Variants in SCAPER observed in about 807,000 individuals in gnomAD.
SCAPER encodes S phase cyclin A-associated protein in the endoplasmic reticulum.
SCAPER carries 98 observed loss-of-function variants against 182.2 expected under a neutral mutation model. The ratio of observed to expected loss-of-function variants is 0.54; its 90% CI spans 0.46 to 0.64. The LOEUF (loss-of-function observed/expected upper bound fraction) is 0.64. Among genes scored for constraint, SCAPER ranks in the 30% least tolerant of loss-of-function variants. SCAPER has a pLI of 0.00. For synonymous variants in SCAPER, 605 were observed against 564.6 expected, an observed-to-expected ratio of 1.07 and a Z score of -1.01; for missense variants, 1,432 against 1,690.0, an observed-to-expected ratio of 0.85 and a Z score of 2.68.
In SCAPER at chr15:76,768,711, C is replaced by T. The variant is rs546500663; in HGVS notation, c.1249-1623G>A. On this transcript the variant is annotated intron_variant, in intron 10 of 31. Coordinates refer to ENST00000563290, the MANE Select transcript of SCAPER (RefSeq NM_020843.4). The stretch of plus-strand genomic sequence containing the variant: ...TAGAAAAGAAATAGATCCACAGTTA[C>T]AGTCAGTGATTTCAGTACCCCTCTT... Among the ~76,000 whole-genome samples the T allele has an allele frequency of 6.6e-5, 10 of 152,070 alleles. No individual in the cohort carries two copies. In the South Asian group the frequency reaches 8.3e-4, roughly 13 times the overall value.
At chr15:76,371,319 C>CTT (rs558300032) in intron 29 of SCAPER, among the ~76,000 whole-genome samples, 8 of 137,490 alleles carry the variant, frequency 5.8e-5, no homozygotes, top group East Asian at 2.0e-4. Flanking sequence ...CTCTCTCTCT[C>CTT]TTTTTTTTTT....
chr15:76,905,303 G>A lies in SCAPER; in HGVS notation c.-64C>T, dbSNP rs192643573. ...ACGCCCCTCGCGGACACTCACCCCC[G>A]ACCGCCCTGCTTAGTTCGGGGCGGC... On this transcript the variant is annotated 5_prime_UTR_variant, in exon 1 of 32. Transcript: ENST00000563290. 1.1e-5 allele frequency: 3 copies of A among 271,376 alleles called. No homozygotes were observed. The highest frequency in any genetic ancestry group is 2.8e-5 in the South Asian group (1 of 35,280). The allele number at this position is 271,376 out of a possible 1,614,324, so 16.8% of individuals were successfully genotyped here. A position where few individuals can be genotyped will look rare whatever the true frequency, so the allele number is the denominator to read the frequency against.
chr15:76,804,306 C>A (rs1384114217), intron 6 of SCAPER, among the ~76,000 whole-genome samples: 1 of 152,204 alleles, frequency 6.6e-6, no homozygotes, highest in Non-Finnish European at 1.5e-5. Flanking sequence ...AAATGTGTCA[C>A]ATTCAAAAAT....
intron 17 of SCAPER, among the ~76,000 whole-genome samples, chr15:76,725,748 G>C (rs2060548227): frequency 6.6e-6 from 1 of 151,914 alleles, no homozygotes; most frequent in Admixed American, 6.6e-5. Context: ...ATAGAGAAAG[G>C]ACAGTCTTTT....
chr15:76,655,846 C>G (rs117382850), intron 21 of SCAPER, among the ~76,000 whole-genome samples: 1 of 151,982 alleles, frequency 6.6e-6, no homozygotes, highest in East Asian at 1.9e-4. Flanking sequence ...CCTTTTCAGA[C>G]AAGCAAATGC....
At chr15:76,433,059 T>C (rs1402789707) in intron 26 of SCAPER, among the ~76,000 whole-genome samples, 2 of 152,226 alleles carry the variant, frequency 1.3e-5, no homozygotes, top group East Asian at 3.8e-4. Flanking sequence ...ACTCTATAAA[T>C]GGTAGCTATT....
chr15:76,450,546 A>C (rs2048304980), intron 25 of SCAPER, among the ~76,000 whole-genome samples: 1 of 152,164 alleles, frequency 6.6e-6, no homozygotes, highest in Admixed American at 6.5e-5. Flanking sequence ...CATTTGTAAA[A>C]GCATATATAT....
rs371119046 is a variant in SCAPER at position 76,376,154 on chromosome 15, C to T, written c.3855+8G>A. 4.3e-6 allele frequency: 7 copies of T among 1,613,708 alleles called. No homozygotes were observed. The Admixed American group carries it at 6.7e-5, about 15-fold the overall frequency. Reference sequence around the variant, plus strand: ...GAGCAGTCTAAGGAACTTTCCAGGGCCTCTTACCTGGTTATCTGGGTGGTT... The same window carrying T: ...GAGCAGTCTAAGGAACTTTCCAGGGTCTCTTACCTGGTTATCTGGGTGGTT... On this transcript the variant is annotated splice_region_variant and intron_variant, in intron 29 of 31. Transcript: ENST00000563290.
chr15:76,617,703 A>G (rs77154970), intron 22 of SCAPER, among the ~76,000 whole-genome samples: 1,879 of 152,288 alleles, frequency 0.012, 116 homozygotes, highest in Admixed American at 0.1. Flanking sequence ...AACAGAAACC[A>G]TAGACCCGTG....
intron 27 of SCAPER, among the ~76,000 whole-genome samples, chr15:76,386,107 G>C (rs1325748863): frequency 6.6e-6 from 1 of 152,116 alleles, no homozygotes; most frequent in African/African-American, 2.4e-5. Context: ...GCCAGCAACA[G>C]AGCATCTTCA....
intron 9 of SCAPER, among the ~76,000 whole-genome samples, chr15:76,774,178 T>C (rs2063616864): frequency 6.6e-6 from 1 of 151,866 alleles, no homozygotes; most frequent in South Asian, 2.1e-4. Context: ...TGATACCATA[T>C]GCCTCTAGAT....
chr15:76,475,576 G>A (rs925073463), intron 24 of SCAPER, among the ~76,000 whole-genome samples: 2 of 152,192 alleles, frequency 1.3e-5, no homozygotes, highest in South Asian at 4.1e-4. Flanking sequence ...GCCTCCCAAA[G>A]TGCTGGGATT....
chr15:76,858,903 T>C (rs1402726553), intron 3 of SCAPER, among the ~76,000 whole-genome samples: 1 of 152,244 alleles, frequency 6.6e-6, no homozygotes, highest in Non-Finnish European at 1.5e-5. Context: ...TTCCATGTTT[T>C]TGCTGTTGAA....
In SCAPER at chr15:76,795,386, C is replaced by T; in HGVS notation, c.666G>A (p.Trp222Ter). The change falls in exon 8 of 32, where the codon TGG (tryptophan) becomes TGA (stop). Residue 222 changes from tryptophan (W) to a stop codon, truncating the protein, a stop_gained. Coordinates refer to ENST00000563290, the MANE Select transcript of SCAPER (RefSeq NM_020843.4). LOFTEE classifies it high-confidence loss of function. Reference sequence around the variant, plus strand: ...TATGATGAGCCTTTACCTTGTCAGCCCAACTGACACCTGTGGGAGCCAGAC... The same window carrying T: ...TATGATGAGCCTTTACCTTGTCAGCTCAACTGACACCTGTGGGAGCCAGAC... ...APRLAPTGVS[W>*]ADKVKAHHTG... 2 of 1,609,448 alleles carry T rather than the reference C, an allele frequency of 1.2e-6. No homozygotes were observed. The highest frequency in any genetic ancestry group is 1.3e-5 in the African/African-American group (1 of 74,848).
chr15:76,366,086 TACACACACACACACACACACACAC>T (rs59741618), intron 29 of SCAPER, among the ~76,000 whole-genome samples: 1 of 149,432 alleles, frequency 6.7e-6, no homozygotes, highest in Non-Finnish European at 1.5e-5. Flanking sequence ...CTTACACACT[TACACACACACACACACACACACAC>T]ACACACACAC....
At chr15:76,667,625 CAAAAAAAAAAAAAAAAAAAAAAAA>C (rs775463270) in intron 20 of SCAPER, among the ~76,000 whole-genome samples, 1 of 27,454 alleles carries the variant, frequency 3.6e-5, no homozygotes, top group African/African-American at 1.3e-4. Flanking sequence ...GACTCAGTCT[CAAAAAAAAAAAAAAAAAAAAAAAA>C]AAAAAAAAAA....
rs10524497 is a variant in SCAPER at position 76,370,291 on chromosome 15, A to ATTTTTTT, written c.3855+5864_3855+5870dup. On this transcript the variant is annotated intron_variant, in intron 29 of 31. Transcript: ENST00000563290. ...GTATAACATATAATTTACCATTTCA[A>ATTTTTTT]TTTTTTTTTTTTTTTTTTTTTTTTT... Among the ~76,000 whole-genome samples the ATTTTTTT allele has an allele frequency of 4.1e-3, 485 of 119,020 alleles. 13 individuals carry two copies. The highest frequency in any genetic ancestry group is 0.012 in the African/African-American group (320 of 27,108). The allele number at this position is 119,020 out of a possible 152,430, so 78.1% of individuals were successfully genotyped here. A position where few individuals can be genotyped will look rare whatever the true frequency, so the allele number is the denominator to read the frequency against.
intron 26 of SCAPER, among the ~76,000 whole-genome samples, chr15:76,405,336 T>C (rs1160601344): frequency 6.6e-6 from 1 of 151,990 alleles, no homozygotes; most frequent in African/African-American, 2.4e-5. Flanking sequence ...AGGCTCTTCT[T>C]GAACTTCTGG....
intron 24 of SCAPER, among the ~76,000 whole-genome samples, chr15:76,478,323 T>C (rs931982557): frequency 2.6e-5 from 4 of 152,070 alleles, no homozygotes; most frequent in African/African-American, 9.6e-5. Flanking sequence ...TTAATACATA[T>C]TGTTAATATC....
Sources: gnomAD v4.1 joint callset for allele counts (sites outside exome capture counted in the v4.1 genomes callset) on GRCh38, gnomAD v4.1.1 for gene constraint, MANE v1.5 for transcripts, NCBI Gene and HGNC (gene_info 2026-07-23, HGNC 2026-07-21) for gene names.